Variants in SPTA1 observed in about 807,000 individuals in gnomAD.
The protein encoded by SPTA1 is spectrin alpha, erythrocytic 1, also known as spectrin alpha chain, erythrocytic 1.
A neutral mutation model predicts 324.7 loss-of-function variants in SPTA1; 177 were observed. That is an observed-to-expected ratio of 0.55 (90% CI 0.48 to 0.62). The LOEUF is 0.62. SPTA1 is among the 20% of genes least tolerant of loss of function. The probability of loss-of-function intolerance (pLI) is 0.00; values close to 1 mark genes in which losing one functional copy is unlikely to be tolerated. For synonymous variants in SPTA1, 1,195 were observed against 1,041.3 expected, an observed-to-expected ratio of 1.15 and a Z score of -2.84; for missense variants, 3,162 against 2,883.6, an observed-to-expected ratio of 1.10 and a Z score of -2.21.
intron 17 of SPTA1, among the ~76,000 whole-genome samples, chr1:158,662,063 T>C (rs1282269156): frequency 6.6e-6 from 1 of 152,216 alleles, no homozygotes; most frequent in Non-Finnish European, 1.5e-5. Context: ...CCATTCAAAA[T>C]ATACTCTCTA....
chr1:158,635,837 C>T lies in SPTA1; in HGVS notation c.5432+76G>A. ...GGGATAGCAGACAATGCTGAGCAGG[C>T]ACTTAAGTATCCTCCCAACACCTGC... On this transcript the variant is annotated intron_variant, in intron 38 of 51. Coordinates refer to ENST00000643759, the MANE Select transcript of SPTA1 (RefSeq NM_003126.4). 3 of 1,604,450 alleles carry T rather than the reference C, an allele frequency of 1.9e-6. No individual in the cohort carries two copies. In the South Asian group the frequency reaches 3.3e-5, roughly 18 times the overall value.
rs760244965 is a variant in SPTA1 at position 158,623,194 on chromosome 1, T to C, written c.5911-2A>G. On this transcript the variant is annotated splice_acceptor_variant, in intron 42 of 51. Coordinates refer to ENST00000643759, the MANE Select transcript of SPTA1 (RefSeq NM_003126.4). LOFTEE classifies it high-confidence loss of function. Reference sequence around the variant, plus strand: ...CTGCAGACTGGCATCCAGAGTGTCCTGAGAAAGATCAGGAGAGAGGCCGTG... The same window carrying C: ...CTGCAGACTGGCATCCAGAGTGTCCCGAGAAAGATCAGGAGAGAGGCCGTG... The C allele has an allele frequency of 6.2e-7, 1 of 1,613,900 alleles. No individual in the cohort carries two copies. Among genetic ancestry groups the C allele is most frequent in the Non-Finnish European group, 8.5e-7 (1 of 1,179,830 alleles).
rs933722361 is a variant in SPTA1 at position 158,622,921 on chromosome 1, C to T, written c.6120+62G>A. On this transcript the variant is annotated intron_variant, in intron 43 of 51. Transcript: ENST00000643759. The stretch of plus-strand genomic sequence containing the variant: ...AAACTGAGTTTCCAATATCTGTTTC[C>T]GAATTTCATGGCTAATATACAGGTA... 512 of 1,434,212 alleles carry T rather than the reference C, an allele frequency of 3.6e-4. 1 individual carries two copies. Among genetic ancestry groups the T allele is most frequent in the African/African-American group, 1.4e-4 (10 of 71,142 alleles). 88.8% of individuals were successfully genotyped at this position (1,434,212 alleles called of 1,614,324 possible).
rs147498527 is a variant in SPTA1 at position 158,629,659 on chromosome 1, A to G, written c.5566-1936T>C. Among the ~76,000 whole-genome samples, 38 of 152,184 alleles carry G rather than the reference A, an allele frequency of 2.5e-4. 1 individual carries two copies. The East Asian group carries it at 6.5e-3, about 26-fold the overall frequency. The stretch of plus-strand genomic sequence containing the variant: ...ATCGCTCTCACTATTTCTATTTAAG[A>G]TAGTACTGGAAGTCCTAGTAAAAGG... On this transcript the variant is annotated intron_variant, in intron 39 of 51. Coordinates refer to ENST00000643759, the MANE Select transcript of SPTA1 (RefSeq NM_003126.4).
chr1:158,642,990 C>A lies in SPTA1; in HGVS notation c.4443-14G>T, dbSNP rs1162761565. 20 of 1,613,240 alleles carry A rather than the reference C, an allele frequency of 1.2e-5. No homozygotes were observed. The highest frequency in any genetic ancestry group is 1.7e-5 in the Non-Finnish European group (20 of 1,179,610). On this transcript the variant is annotated splice_polypyrimidine_tract_variant and intron_variant, in intron 31 of 51. Coordinates refer to ENST00000643759, the MANE Select transcript of SPTA1 (RefSeq NM_003126.4). ...AGAGCCTTCCACCTAGAGGACGGAGCCAAATCACTCTATGCCCTCCTCCAC... is the reference window on the plus strand; with the variant it reads ...AGAGCCTTCCACCTAGAGGACGGAGACAAATCACTCTATGCCCTCCTCCAC...
rs777596636 is a variant in SPTA1, at chr1:158,680,678, C to T, written c.583G>A (p.Val195Ile). Reference protein sequence around the residue: ...ELGEDWERTEVLHKKFEDFQV... With the variant: ...ELGEDWERTEILHKKFEDFQV... The stretch of plus-strand genomic sequence containing the variant: ...AAGTCTTCAAATTTCTTATGCAGAA[C>T]TTCGGTGCGCTCCCAGTCTTCACCT... The change falls in exon 5 of 52, where the codon GTT becomes ATT. Residue 195 changes from valine to isoleucine, a missense_variant. Val to Ile is a conservative substitution (Grantham distance 29). Transcript: ENST00000643759. 25 of 1,613,828 alleles carry T rather than the reference C, an allele frequency of 1.5e-5. 1 individual carries two copies. In the South Asian group the frequency reaches 2.6e-4, roughly 17 times the overall value.
At chr1:158,667,826 A>T in intron 15 of SPTA1, 32 bp downstream of exon 15, 1 of 1,609,400 alleles carries the variant, frequency 6.2e-7, no homozygotes, top group South Asian at 1.1e-5. Context: ...GAATTTAGAA[A>T]ATGACCTTTC....
Position 158,685,525 on chromosome 1 carries a change from T to A in SPTA1, c.25-178A>T, listed in dbSNP as rs366221. ...ACGTAATTTTTAACCAGACATAGCT[T>A]CTGTTTAGGTTAAAAATTCTTGATT... is the stretch of plus-strand genomic sequence containing the variant. On this transcript the variant is annotated intron_variant, in intron 1 of 51. Coordinates refer to ENST00000643759, the MANE Select transcript of SPTA1 (RefSeq NM_003126.4). Among the ~76,000 whole-genome samples, 148,241 of 152,222 alleles carry A rather than the reference T, an allele frequency of 0.97. 72,289 individuals are homozygous for A. The highest frequency in any genetic ancestry group is 1 in the East Asian group (5,182 of 5,182).
intron 23 of SPTA1, among the ~76,000 whole-genome samples, chr1:158,651,886 T>A (rs867303514): frequency 7.6e-6 from 1 of 131,236 alleles, no homozygotes; most frequent in African/African-American, 4.1e-5. Context: ...GAGTGCTCTC[T>A]CTCTCTCTCT....
At chr1:158,622,874 A>G in intron 43 of SPTA1, 109 bp downstream of exon 43, 1 of 1,023,068 alleles carries the variant, frequency 9.8e-7, no homozygotes, top group Non-Finnish European at 1.5e-6. Flanking sequence ...TTTCAATGCA[A>G]TAAAAGGTTT....
At chr1:158,618,925 G>T (rs531631131) in intron 45 of SPTA1, among the ~76,000 whole-genome samples, 3 of 152,316 alleles carry the variant, frequency 2.0e-5, no homozygotes, top group Middle Eastern at 3.4e-3. Context: ...GTGAACATAA[G>T]AAATTGTTAT....
At chr1:158,668,258 G>A (rs1361726802) in intron 14 of SPTA1, among the ~76,000 whole-genome samples, 196 bp from the exon 15 acceptor site, 1 of 152,142 alleles carries the variant, frequency 6.6e-6, no homozygotes, top group Non-Finnish European at 1.5e-5. Flanking sequence ...CAGACATGGC[G>A]AACTAAGCTG....
chr1:158,679,585 A>T (rs1654646428), intron 5 of SPTA1, among the ~76,000 whole-genome samples: 2 of 152,090 alleles, frequency 1.3e-5, no homozygotes, highest in South Asian at 4.2e-4. Context: ...CTCCCAAATC[A>T]TCCTCACCAG....
Position 158,643,343 on chromosome 1 carries a change from C to T in SPTA1, c.4421G>A (p.Arg1474Gln), listed in dbSNP as rs768582381. 32 of 1,613,684 alleles carry T rather than the reference C, an allele frequency of 2.0e-5. No homozygotes were observed. The highest frequency in any genetic ancestry group is 3.3e-4 in the Middle Eastern group (2 of 6,070). Reference sequence around the variant, plus strand: ...TGACCTGTCTAGTACACGTTGGAGCCGCGTAGCAATCTCTTCTTTGGCATA... The same window carrying T: ...TGACCTGTCTAGTACACGTTGGAGCTGCGTAGCAATCTCTTCTTTGGCATA... The part of the protein sequence containing the change: ...EHYAKEEIAT[R>Q]LQRVLDRWKA... The change falls in exon 31 of 52, where the codon CGG becomes CAG. Residue 1474 changes from arginine (R) to glutamine (Q), a missense_variant. Arg to Gln is a conservative substitution (Grantham distance 43). Transcript: ENST00000643759.
rs2101747763 is a variant in SPTA1 at position 158,614,312 on chromosome 1, A to AT, written c.6789-7_6789-6insA. ...CACTCACACCTTTGATGTCCCTGAAAGAAAAAAAAAAAACATGAATTTTCC... is the reference window on the plus strand; with the variant it reads ...CACTCACACCTTTGATGTCCCTGAAATGAAAAAAAAAAAACATGAATTTTCC... On this transcript the variant is annotated splice_polypyrimidine_tract_variant and splice_region_variant and intron_variant, in intron 48 of 51. Transcript: ENST00000643759. 3 of 1,540,808 alleles carry AT rather than the reference A, an allele frequency of 1.9e-6. No homozygotes were observed. Among genetic ancestry groups the AT allele is most frequent in the Non-Finnish European group, 2.6e-6 (3 of 1,135,046 alleles).
rs1456469753 is a variant in SPTA1, at chr1:158,662,871, C to T, written c.2295G>A (p.Arg765=). The change falls in exon 17 of 52, where the codon AGG becomes AGA. Residue 765 remains arginine (R), a synonymous_variant. Transcript: ENST00000643759. ...EIGHPDSKDI[R]ARQESLVCRF... ...GGCATACCAAGGACTCTTGCCTTGC[C>T]CTTATATCCTTAGAATCAGGATGGC... is the stretch of plus-strand genomic sequence containing the variant. 2 of 1,614,074 alleles carry T rather than the reference C, an allele frequency of 1.2e-6. No individual in the cohort carries two copies. Among genetic ancestry groups the T allele is most frequent in the South Asian group, 1.1e-5 (1 of 91,078 alleles).
chr1:158,676,265 G>A lies in SPTA1; in HGVS notation c.988C>T (p.Leu330=). 6.2e-7 allele frequency: 1 copy of A among 1,613,652 alleles called. No homozygotes were observed. Among genetic ancestry groups the A allele is most frequent in the Non-Finnish European group, 8.5e-7 (1 of 1,179,734 alleles). ...VKELCAKAEK[L]TLSHPSDAPQ... ...GCATCTGAAGGATGGGAAAGTGTCA[G>A]CTTCTCTGCTTTAGCACATAACTCC... Residue 330 remains leucine, a synonymous_variant, in exon 8 of 52, where the codon CTG becomes TTG. Coordinates refer to ENST00000643759, the MANE Select transcript of SPTA1 (RefSeq NM_003126.4).
In SPTA1 at chr1:158,649,887, C is replaced by A; in HGVS notation, c.3538G>T (p.Gly1180Cys). Residue 1180 changes from glycine (G) to cysteine (C), a missense_variant, in exon 25 of 52, where the codon GGC becomes TGC. By Grantham distance (159) the Gly-to-Cys change is radical (BLOSUM62 -3). Coordinates refer to ENST00000643759, the MANE Select transcript of SPTA1 (RefSeq NM_003126.4). Reference protein sequence around the residue: ...RLADEQRQLLGSAHAVEVFHR... With the variant: ...RLADEQRQLLCSAHAVEVFHR... ...AACACTTCAACAGCATGGGCACTGC[C>A]CAGCAGCTGCCGCTGTTCATCTGCA... 6.2e-7 allele frequency: 1 copy of A among 1,613,824 alleles called. No individual in the cohort carries two copies. Among genetic ancestry groups the A allele is most frequent in the South Asian group, 1.1e-5 (1 of 91,048 alleles).
Position 158,648,690 on chromosome 1 carries a change from A to T in SPTA1, c.3570-37T>A, listed in dbSNP as rs11265044. 0.26 allele frequency: 418,032 copies of T among 1,609,926 alleles called. 55,304 individuals are homozygous for T. Among genetic ancestry groups the T allele is most frequent in the Middle Eastern group, 0.31 (1,654 of 5,418 alleles). ...GAGAGTAGAGAGTTCAAAAGTAAGGATATGTACCAGAGGCAGGCTAGTGGG... is the reference window on the plus strand; with the variant it reads ...GAGAGTAGAGAGTTCAAAAGTAAGGTTATGTACCAGAGGCAGGCTAGTGGG... On this transcript the variant is annotated intron_variant, in intron 25 of 51. Transcript: ENST00000643759.
Sources: allele counts gnomAD v4.1 joint callset (sites outside exome capture counted in the v4.1 genomes callset), GRCh38; gene constraint gnomAD v4.1.1; transcripts MANE v1.5; gene names NCBI Gene and HGNC (gene_info 2026-07-23, HGNC 2026-07-21).